The following SLC24A2 variants were observed in gnomAD, a reference collection of about 807,000 sequenced individuals.
SLC24A2 encodes the protein sodium/potassium/calcium exchanger 2.
SLC24A2 carries 36 observed loss-of-function variants against 62.0 expected under a neutral mutation model. The observed-to-expected ratio is 0.58, with a 90% CI of 0.44 to 0.77. The LOEUF (loss-of-function observed/expected upper bound fraction) is 0.77, where lower values mean the gene tolerates loss of function less well. Ranked by LOEUF, SLC24A2 falls within the 30% of genes least tolerant of loss-of-function variation. The pLI, the probability that SLC24A2 is intolerant of heterozygous loss-of-function variation, is 0.00. For synonymous variants in SLC24A2, 358 were observed against 294.0 expected (o/e 1.22, Z -2.23); for missense variants, 846 against 817.9 (o/e 1.03, Z -0.42).
chr9:20,301,037 GA>G, the SLC24A2 span, among the ~76,000 whole-genome samples: 1 of 152,192 alleles, frequency 6.6e-6, no homozygotes, highest in African/African-American at 2.4e-5. Flanking sequence ...CTGGTGATTA[GA>G]TGAGGGGATT....
At chr9:20,106,042 A>G in the SLC24A2 span, among the ~76,000 whole-genome samples, 1 of 152,352 alleles carries the variant, frequency 6.6e-6, no homozygotes, top group South Asian at 2.1e-4. Flanking sequence ...CAGAAATACA[A>G]ACTACCATCA....
chr9:20,042,431 C>T, the SLC24A2 span, among the ~76,000 whole-genome samples: 69 of 152,286 alleles, frequency 4.5e-4, no homozygotes, highest in Admixed American at 3.9e-3. Context: ...TTAGAGCTGA[C>T]AGCTTGATTC....
At chr9:19,877,761 G>T in the SLC24A2 span, among the ~76,000 whole-genome samples, 1 of 151,970 alleles carries the variant, frequency 6.6e-6, no homozygotes. Flanking sequence ...ATGGATATTT[G>T]GATTCTTGCT....
the SLC24A2 span, among the ~76,000 whole-genome samples, chr9:20,282,589 C>T: frequency 1.3e-5 from 2 of 152,042 alleles, no homozygotes; most frequent in Non-Finnish European, 2.9e-5. Flanking sequence ...CCCCGCACCC[C>T]CATCTTTAGA....
intron 5 of SLC24A2, among the ~76,000 whole-genome samples, chr9:19,580,594 G>T (rs970919028): frequency 2.0e-5 from 3 of 152,212 alleles, no homozygotes; most frequent in African/African-American, 7.2e-5. Flanking sequence ...TTCAGGATCT[G>T]TTCATTCCCA....
At chr9:20,198,650 CATCT>C in the SLC24A2 span, among the ~76,000 whole-genome samples, 1 of 151,594 alleles carries the variant, frequency 6.6e-6, no homozygotes, top group Non-Finnish European at 1.5e-5. Flanking sequence ...GGTCCCCTCG[CATCT>C]CTCTCTCTCT....
At chr9:19,617,669 T>C (rs1308186041) in intron 4 of SLC24A2, among the ~76,000 whole-genome samples, 1 of 152,100 alleles carries the variant, frequency 6.6e-6, no homozygotes, top group Non-Finnish European at 1.5e-5. Flanking sequence ...GTATGGCCTG[T>C]TTTAAGTGAG....
intron 2 of SLC24A2, among the ~76,000 whole-genome samples, chr9:19,701,712 C>G (rs907648888): frequency 6.6e-6 from 1 of 152,158 alleles, no homozygotes; most frequent in Non-Finnish European, 1.5e-5. Flanking sequence ...TTTGAAGGAG[C>G]CTTCTTGAAT....
At chr9:19,789,255 G>C (rs79118915), upstream of SLC24A2, among the ~76,000 whole-genome samples, 7,907 of 152,348 alleles carry the variant, frequency 0.052, 662 homozygotes, top group East Asian at 0.41. Flanking sequence ...AGGCGAGCAA[G>C]GGCAGAGAGG....
chr9:19,648,267 A>T (rs1256595726), intron 2 of SLC24A2, among the ~76,000 whole-genome samples: 1 of 152,178 alleles, frequency 6.6e-6, no homozygotes, highest in Non-Finnish European at 1.5e-5. Flanking sequence ...CATCTGTCTG[A>T]TTCTAATAAA....
chr9:20,149,580 A>G, the SLC24A2 span, among the ~76,000 whole-genome samples: 2 of 152,090 alleles, frequency 1.3e-5, no homozygotes, highest in Admixed American at 1.3e-4. Context: ...TCATGCAATC[A>G]GTTACAGGTA....
At chr9:19,905,947 G>C in the SLC24A2 span, among the ~76,000 whole-genome samples, 1 of 152,184 alleles carries the variant, frequency 6.6e-6, no homozygotes, top group Admixed American at 6.5e-5. Context: ...CGATATCCAG[G>C]AATTGAACTC....
At chr9:20,138,909 T>G in the SLC24A2 span, among the ~76,000 whole-genome samples, 1 of 152,180 alleles carries the variant, frequency 6.6e-6, no homozygotes, top group Non-Finnish European at 1.5e-5. Context: ...ATTCAAAGTC[T>G]CTGCCTTTCT....
the SLC24A2 span, among the ~76,000 whole-genome samples, chr9:20,060,857 A>T: frequency 6.6e-6 from 1 of 152,206 alleles, no homozygotes; most frequent in Non-Finnish European, 1.5e-5. Flanking sequence ...TTGCAAGATC[A>T]ATATGCAAAA....
chr9:20,252,626 T>C, the SLC24A2 span, among the ~76,000 whole-genome samples: 4 of 152,188 alleles, frequency 2.6e-5, no homozygotes, highest in Admixed American at 6.5e-5. Flanking sequence ...CATTTACAGA[T>C]AGGGATATTG....
chr9:20,007,880 T>TC, the SLC24A2 span, among the ~76,000 whole-genome samples: 29 of 23,888 alleles, frequency 1.2e-3, no homozygotes, highest in South Asian at 2.2e-3. Flanking sequence ...TACTCCTCTC[T>TC]TTTTTTTTTT....
At chr9:20,253,504 C>T in the SLC24A2 span, among the ~76,000 whole-genome samples, 28 of 152,114 alleles carry the variant, frequency 1.8e-4, no homozygotes, top group Non-Finnish European at 3.2e-4. Context: ...ATTGTTTATC[C>T]AAGGCCAATG....
At chr9:19,616,773 C>T (rs1817778825) in intron 4 of SLC24A2, among the ~76,000 whole-genome samples, 1 of 151,878 alleles carries the variant, frequency 6.6e-6, no homozygotes, top group African/African-American at 2.4e-5. Flanking sequence ...ATGATATAAG[C>T]AGTAAAGAAA....
At chr9:20,238,315 T>G in the SLC24A2 span, among the ~76,000 whole-genome samples, 4 of 152,076 alleles carry the variant, frequency 2.6e-5, no homozygotes, top group African/African-American at 9.7e-5. Flanking sequence ...TCAGGCACCT[T>G]TTGCACAGTA....
Sources: gnomAD v4.1 joint callset for allele counts (sites outside exome capture counted in the v4.1 genomes callset) on GRCh38, gnomAD v4.1.1 for gene constraint, MANE v1.5 for transcripts, NCBI Gene and HGNC (gene_info 2026-07-23, HGNC 2026-07-21) for gene names.